The following COL5A3 variants were observed in gnomAD, a reference collection of about 807,000 sequenced individuals.
The protein encoded by COL5A3 is collagen type V alpha 3 chain.
COL5A3 carries 172 observed loss-of-function variants against 250.0 expected under a neutral mutation model. The observed-to-expected ratio is 0.69, with a 90% CI of 0.61 to 0.78. The LOEUF (loss-of-function observed/expected upper bound fraction) is 0.78, where lower values mean the gene tolerates loss of function less well. COL5A3 is among the 30% of genes least tolerant of loss of function. The probability of loss-of-function intolerance (pLI) is 0.00; values close to 1 mark genes in which losing one functional copy is unlikely to be tolerated. For synonymous variants in COL5A3, 937 were observed against 900.4 expected, an observed-to-expected ratio of 1.04 and a Z score of -0.73; for missense variants, 2,340 against 2,334.4, an observed-to-expected ratio of 1.00 and a Z score of -0.05.
At chr19:9,967,170 G>T (rs1424954136) in intron 62 of COL5A3, among the ~76,000 whole-genome samples, 177 bp downstream of exon 62, 1 of 152,146 alleles carries the variant, frequency 6.6e-6, no homozygotes, top group Non-Finnish European at 1.5e-5. Flanking sequence ...CCCCTCCCAG[G>T]CCAGACCTTC....
At chr19:9,974,099 T>A in intron 47 of COL5A3, 72 bp downstream of exon 47, 1 of 1,548,600 alleles carries the variant, frequency 6.5e-7, no homozygotes, top group South Asian at 1.2e-5. Flanking sequence ...GTCCCTCAAA[T>A]GAATCTAATG....
At chr19:9,967,314 G>A (rs2086763604) in intron 62 of COL5A3, 33 bp downstream of exon 62, 2 of 1,396,862 alleles carry the variant, frequency 1.4e-6, no homozygotes, top group Non-Finnish European at 1.9e-6. Context: ...CCCAGGTTTT[G>A]GTGTCCATTC....
intron 51 of COL5A3, 85 bp from the exon 52 acceptor site, chr19:9,971,343 C>A: frequency 9.1e-7 from 1 of 1,098,416 alleles, no homozygotes; most frequent in Non-Finnish European, 1.3e-6. Context: ...TATCCAGGAA[C>A]AGTTTGGTTT....
intron 11 of COL5A3, 48 bp downstream of exon 11, chr19:9,997,323 C>T: frequency 1.4e-6 from 2 of 1,448,996 alleles, no homozygotes; most frequent in Non-Finnish European, 1.9e-6. Context: ...CTCCCAGCCC[C>T]AAACCTCACT....
At chr19:9,997,626 C>G (rs908492769) in intron 10 of COL5A3, among the ~76,000 whole-genome samples, 193 bp from the exon 11 acceptor site, 1 of 151,946 alleles carries the variant, frequency 6.6e-6, no homozygotes, top group African/African-American at 2.4e-5. Context: ...TTTTTAGAGA[C>G]GGTCTCACTC....
At chr19:9,994,562 A>ATG (rs2087242578) in intron 16 of COL5A3, among the ~76,000 whole-genome samples, 1 of 16,918 alleles carries the variant, frequency 5.9e-5, no homozygotes, top group Non-Finnish European at 1.0e-4. Flanking sequence ...TGTTTTACAT[A>ATG]TATATATATA....
In COL5A3 at chr19:9,990,406, A is replaced by C. The variant is rs541624057; in HGVS notation, c.1993-884T>G. The stretch of plus-strand genomic sequence containing the variant: ...TGAAATTCTGTCAAAAAAAAAAAAA[A>C]AACTAAAATAGTATAACTGGATTGT... On this transcript the variant is annotated intron_variant, in intron 24 of 66. Transcript: ENST00000264828. Among the ~76,000 whole-genome samples the C allele has an allele frequency of 3.3e-5, 5 of 151,724 alleles. No individual in the cohort carries two copies. The South Asian group carries it at 8.4e-4, about 25-fold the overall frequency.
chr19:10,006,947 C>A (rs2087452251), intron 1 of COL5A3, among the ~76,000 whole-genome samples: 1 of 151,082 alleles, frequency 6.6e-6, no homozygotes, highest in Admixed American at 6.6e-5. Flanking sequence ...TCCCTCTGAC[C>A]CTCCTCTATG....
chr19:9,966,208 A>G, intron 64 of COL5A3, 106 bp downstream of exon 64: 1 of 864,908 alleles, frequency 1.2e-6, no homozygotes, highest in Non-Finnish European at 1.9e-6. Flanking sequence ...GTGCTCAATA[A>G]ATGCCGGTTG....
At position 10,001,152 on chromosome 19, in the gene COL5A3, G is replaced by GT. The variant is rs533848005; in HGVS notation, c.1110+371dup. Among the ~76,000 whole-genome samples the GT allele has an allele frequency of 6.5e-3, 973 of 148,626 alleles. 4 individuals are homozygous for GT. Among genetic ancestry groups the GT allele is most frequent in the African/African-American group, 8.1e-3 (331 of 40,620 alleles). ...TTAAATAATTTTTTTAAATTGTTCG[G>GT]TTTTTTTTTTCAAGATGGAGTCTCA... On this transcript the variant is annotated intron_variant, in intron 8 of 66. Transcript: ENST00000264828.
chr19:9,999,018 C>A (rs2087313220), intron 8 of COL5A3, among the ~76,000 whole-genome samples: 1 of 113,914 alleles, frequency 8.8e-6, no homozygotes, highest in African/African-American at 4.5e-5. Context: ...TTCTTTCTTT[C>A]TTTCTTTCTC....
intron 16 of COL5A3, 60 bp from the exon 17 acceptor site, chr19:9,993,866 T>C: frequency 6.8e-7 from 1 of 1,461,546 alleles, no homozygotes; most frequent in South Asian, 1.2e-5. Flanking sequence ...CTCCACCAAA[T>C]TAGGAACCCA....
rs752793002 is a variant in COL5A3 at position 9,986,505 on chromosome 19, C to T, written c.2244+48G>A. The T allele has an allele frequency of 7.0e-6, 11 of 1,572,092 alleles. No homozygotes were observed. In the African/African-American group the frequency reaches 1.3e-4, roughly 19 times the overall value. ...CCCCAGCTCATCCCCTCCCTATCTTCCCCGAGCCCCCAGACCCACACCACC... is the reference window on the plus strand; with the variant it reads ...CCCCAGCTCATCCCCTCCCTATCTTTCCCGAGCCCCCAGACCCACACCACC... On this transcript the variant is annotated intron_variant, in intron 29 of 66. Coordinates refer to ENST00000264828, the MANE Select transcript of COL5A3 (RefSeq NM_015719.4).
chr19:9,993,253 C>A, intron 19 of COL5A3, 127 bp downstream of exon 19: 1 of 1,180,544 alleles, frequency 8.5e-7, no homozygotes, highest in Non-Finnish European at 1.3e-6. Flanking sequence ...AGTCTCACCT[C>A]CTCACCCCAC....
At chr19:9,967,255 C>T (rs3786698) in intron 62 of COL5A3, 92 bp downstream of exon 62, 46 of 914,560 alleles carry the variant, frequency 5.0e-5, no homozygotes, top group Non-Finnish European at 6.9e-5. Flanking sequence ...CCCAGTGCTG[C>T]GCACGGAAGG....
At chr19:9,993,154 G>T (rs544990581) in intron 19 of COL5A3, 87 bp from the exon 20 acceptor site, 2 of 1,414,394 alleles carry the variant, frequency 1.4e-6, no homozygotes, top group Non-Finnish European at 2.0e-6. Context: ...CTTCCAGGGG[G>T]TCTCGGAATT....
At chr19:9,998,232 G>GCACACACA (rs143525824) in intron 8 of COL5A3, 83 bp from the exon 9 acceptor site, 4 of 1,014,814 alleles carry the variant, frequency 3.9e-6, no homozygotes, top group East Asian at 2.7e-5. Flanking sequence ...ACACACACTT[G>GCACACACA]CACACACACA....
chr19:9,969,952 T>C, intron 54 of COL5A3, 30 bp from the exon 55 acceptor site: 1 of 1,576,860 alleles, frequency 6.3e-7, no homozygotes, highest in Non-Finnish European at 8.7e-7. Flanking sequence ...GAGGGGGGTC[T>C]AGGGGCTGAC....
At position 10,005,698 on chromosome 19, in the gene COL5A3, C is replaced by T. The variant is rs553969959; in HGVS notation, c.454G>A (p.Val152Ile). 14 of 1,610,008 alleles carry T rather than the reference C, an allele frequency of 8.7e-6. No individual in the cohort carries two copies. The highest frequency in any genetic ancestry group is 6.7e-5 in the East Asian group (3 of 44,766). Residue 152 changes from valine (V) to isoleucine (I), a missense_variant, in exon 4 of 67, where the codon GTC (valine) becomes ATC (isoleucine). By Grantham distance (29) the Val-to-Ile change is conservative. Coordinates refer to ENST00000264828, the MANE Select transcript of COL5A3 (RefSeq NM_015719.4). The stretch of plus-strand genomic sequence containing the variant: ...GTCACCATCTCACCATCTATGCTGA[C>T]GGCCACACGGTGCCACCTGCAAGGG... ...LTDGRWHRVA[V>I]SIDGEMVTLV... is the part of the protein sequence containing the mutation.
Sources: gnomAD v4.1 joint callset for allele counts (sites outside exome capture counted in the v4.1 genomes callset) on GRCh38, gnomAD v4.1.1 for gene constraint, MANE v1.5 for transcripts, NCBI Gene and HGNC (gene_info 2026-07-23, HGNC 2026-07-21) for gene names.